The following RGS7BP variants were observed in gnomAD, a reference collection of about 807,000 sequenced individuals.
RGS7BP encodes regulator of G protein signaling 7 binding protein.
RGS7BP carries 9 observed loss-of-function variants against 31.3 expected under a neutral mutation model. The observed-to-expected ratio is 0.29, with a 90% CI of 0.17 to 0.50. The LOEUF (loss-of-function observed/expected upper bound fraction) is 0.50, where lower values mean the gene tolerates loss of function less well. RGS7BP is among the 20% of genes least tolerant of loss of function. The probability of loss-of-function intolerance (pLI) is 0.98; values close to 1 mark genes in which losing one functional copy is unlikely to be tolerated. For missense variants in RGS7BP, 274 were observed against 322.0 expected, an observed-to-expected ratio of 0.85 and a Z score of 1.14; for synonymous variants, 115 against 120.1, an observed-to-expected ratio of 0.96 and a Z score of 0.28.
chr5:64,549,193 A>C (rs527886155), intron 2 of RGS7BP, among the ~76,000 whole-genome samples: 1 of 152,356 alleles, frequency 6.6e-6, no homozygotes, highest in Non-Finnish European at 1.5e-5. Flanking sequence ...CTGTGAAAAC[A>C]GACAAGTTAT....
At chr5:64,596,657 G>A (rs1743077309) in intron 4 of RGS7BP, among the ~76,000 whole-genome samples, 1 of 152,126 alleles carries the variant, frequency 6.6e-6, no homozygotes, top group Admixed American at 6.5e-5. Flanking sequence ...TGATCAGCAT[G>A]CAGCCCACAG....
chr5:64,562,232 G>A (rs571651601), intron 2 of RGS7BP, among the ~76,000 whole-genome samples: 1 of 152,052 alleles, frequency 6.6e-6, no homozygotes, highest in East Asian at 1.9e-4. Flanking sequence ...TTTTTGAATA[G>A]CAGGGACTCA....
intron 2 of RGS7BP, among the ~76,000 whole-genome samples, chr5:64,525,398 A>C (rs1456466833): frequency 1.3e-5 from 2 of 152,200 alleles, no homozygotes; most frequent in Non-Finnish European, 2.9e-5. Flanking sequence ...TTTAGACTTC[A>C]ACTTTAGAGC....
rs750668521 is a variant in RGS7BP at position 64,575,809 on chromosome 5, G to C, written c.368G>C (p.Arg123Pro). The C allele has an allele frequency of 6.2e-7, 1 of 1,611,600 alleles. No individual in the cohort carries two copies. Among genetic ancestry groups the C allele is most frequent in the Non-Finnish European group, 8.5e-7 (1 of 1,178,922 alleles). The change falls in exon 3 of 6, where the codon CGG becomes CCG. Residue 123 changes from arginine (R) to proline (P), a missense_variant. This residue lies in a region of RGS7BP where 13 missense variants were observed against 38.5 expected (regional missense o/e 0.34). Transcript: ENST00000334025. ...GGTGAGATCCATCCAGAAATCTGTC[G>C]GCTTTACATCCAGCTGCAGTGCTGC... ...EDGEIHPEICRLYIQLQCCLE... is the reference protein window; with the variant it reads ...EDGEIHPEICPLYIQLQCCLE...
In RGS7BP at chr5:64,570,877, C is replaced by G. The variant is rs543507886; in HGVS notation, c.333-4897C>G. ...ATTATTTTTCTGAACCTGCAGACAT[C>G]AGTAAACTTTACTCATAAACAATTC... On this transcript the variant is annotated intron_variant, in intron 2 of 5. Transcript: ENST00000334025. 4.6e-5 allele frequency among the ~76,000 whole-genome samples: 7 copies of G among 152,242 alleles called. No homozygotes were observed. The East Asian group carries it at 1.2e-3, about 25-fold the overall frequency.
At chr5:64,549,287 G>A (rs1228816412) in intron 2 of RGS7BP, among the ~76,000 whole-genome samples, 1 of 152,204 alleles carries the variant, frequency 6.6e-6, no homozygotes, top group African/African-American at 2.4e-5. Flanking sequence ...AAAAAGGAAG[G>A]GGTGACAGGT....
chr5:64,513,200 A>G (rs1748885606), intron 2 of RGS7BP, among the ~76,000 whole-genome samples: 1 of 152,220 alleles, frequency 6.6e-6, no homozygotes, highest in African/African-American at 2.4e-5. Context: ...TTAATTTCCT[A>G]TTGGCTTTCT....
At chr5:64,573,274 ATT>A (rs1213787078) in intron 2 of RGS7BP, among the ~76,000 whole-genome samples, 46 of 152,142 alleles carry the variant, frequency 3.0e-4, no homozygotes, top group African/African-American at 1.1e-3. Flanking sequence ...CACCTAATAC[ATT>A]GCTTTACCTC....
intron 3 of RGS7BP, among the ~76,000 whole-genome samples, chr5:64,579,374 T>A (rs1742523350): frequency 1.3e-5 from 2 of 151,392 alleles, no homozygotes; most frequent in Non-Finnish European, 1.5e-5. Flanking sequence ...TGAAACCCCA[T>A]CTCTACTAAA....
chr5:64,591,728 A>C (rs913975780), intron 3 of RGS7BP, among the ~76,000 whole-genome samples: 3 of 152,212 alleles, frequency 2.0e-5, no homozygotes, highest in African/African-American at 7.2e-5. Context: ...ATTAGAAAGC[A>C]TTCCATCAAT....
intron 2 of RGS7BP, among the ~76,000 whole-genome samples, chr5:64,528,718 GGA>G (rs1329704943): frequency 2.0e-5 from 3 of 151,028 alleles, no homozygotes; most frequent in Non-Finnish European, 4.4e-5. Flanking sequence ...GGCTGCGGCA[GGA>G]GAATCGCTTG....
rs1561348125 is a variant in RGS7BP, at chr5:64,594,807, T to C, written c.561T>C (p.Asp187=). Residue 187 remains aspartate (D), a synonymous_variant, in exon 4 of 6, where the codon GAT becomes GAC. Coordinates refer to ENST00000334025, the MANE Select transcript of RGS7BP (RefSeq NM_001029875.3). ...AAGACTCCTCATCATCCCCCGTAGA[T>C]AGTCAGCAACATTCCTGGCAGGTTT... The part of the protein sequence containing the change: ...ALEDSSSSPV[D]SQQHSWQVST... 2 of 1,613,824 alleles carry C rather than the reference T, an allele frequency of 1.2e-6. No individual in the cohort carries two copies. The highest frequency in any genetic ancestry group is 1.7e-6 in the Non-Finnish European group (2 of 1,179,804).
At chr5:64,535,904 AT>A (rs1268823221) in intron 2 of RGS7BP, among the ~76,000 whole-genome samples, 1 of 152,190 alleles carries the variant, frequency 6.6e-6, no homozygotes, top group Non-Finnish European at 1.5e-5. Context: ...GGGAATCAAA[AT>A]GGGTAACACA....
chr5:64,606,021 C>CATATATAT (rs66605526), intron 5 of RGS7BP, among the ~76,000 whole-genome samples: 11 of 115,288 alleles, frequency 9.5e-5, no homozygotes, highest in African/African-American at 3.9e-4. Context: ...TATCTGGATA[C>CATATATAT]ATATATATAT....
intron 2 of RGS7BP, among the ~76,000 whole-genome samples, chr5:64,520,226 C>T (rs559945804): frequency 3.4e-4 from 51 of 152,230 alleles, no homozygotes; most frequent in East Asian, 3.9e-4. Flanking sequence ...GGCTGTTTCC[C>T]GACAGACCCT....
chr5:64,596,220 G>C (rs993806516), intron 4 of RGS7BP, among the ~76,000 whole-genome samples: 1 of 152,178 alleles, frequency 6.6e-6, no homozygotes, highest in East Asian at 1.9e-4. Context: ...CAATGTTTCA[G>C]TTCAGCCTGA....
In RGS7BP at chr5:64,557,787, A is replaced by T. The variant is rs191258235; in HGVS notation, c.333-17987A>T. Among the ~76,000 whole-genome samples, 144 of 151,774 alleles carry T rather than the reference A, an allele frequency of 9.5e-4. 1 individual carries two copies. Among genetic ancestry groups the T allele is most frequent in the African/African-American group, 3.1e-3 (128 of 41,360 alleles). On this transcript the variant is annotated intron_variant, in intron 2 of 5. Coordinates refer to ENST00000334025, the MANE Select transcript of RGS7BP (RefSeq NM_001029875.3). ...CTTTCTGGTAATCTCACCATTTGGGACTCTTTGTTAACTCTTATGCTAATT... is the reference window on the plus strand; with the variant it reads ...CTTTCTGGTAATCTCACCATTTGGGTCTCTTTGTTAACTCTTATGCTAATT...
chr5:64,551,462 C>T (rs1330542580), intron 2 of RGS7BP, among the ~76,000 whole-genome samples: 1 of 151,480 alleles, frequency 6.6e-6, no homozygotes, highest in Non-Finnish European at 1.5e-5. Context: ...AGGGTTTCAC[C>T]ATTTTGGCCA....
chr5:64,537,706 T>C lies in RGS7BP; in HGVS notation c.332+29829T>C, dbSNP rs186695220. ...TGGACCATTTTGCTTTAGATTATGATAGAAATTCCTTCACAGAGACATGAT... is the reference window on the plus strand; with the variant it reads ...TGGACCATTTTGCTTTAGATTATGACAGAAATTCCTTCACAGAGACATGAT... On this transcript the variant is annotated intron_variant, in intron 2 of 5. Transcript: ENST00000334025. Among the ~76,000 whole-genome samples the C allele has an allele frequency of 1.3e-3, 205 of 152,308 alleles. 1 individual carries two copies. The highest frequency in any genetic ancestry group is 2.6e-3 in the Non-Finnish European group (179 of 68,022).
Sources: allele counts gnomAD v4.1 joint callset (sites outside exome capture counted in the v4.1 genomes callset), GRCh38; gene constraint gnomAD v4.1.1; regional missense constraint gnomAD v4.1.1; transcripts MANE v1.5; gene names NCBI Gene and HGNC (gene_info 2026-07-23, HGNC 2026-07-21).